GLT1D1: variants seen among roughly 807,000 people sequenced by gnomAD.
GLT1D1 encodes glycosyltransferase 1 domain containing 1.
GLT1D1 carries 21 observed loss-of-function variants against 28.7 expected under a neutral mutation model. That is an observed-to-expected ratio of 0.73 (90% CI 0.52 to 1.05). GLT1D1 has a LOEUF of 1.05. Ranked by LOEUF, GLT1D1 falls within the 50% of genes least tolerant of loss-of-function variation. GLT1D1 has a pLI of 0.00. For synonymous variants in GLT1D1, 147 were observed against 124.8 expected (o/e 1.18, Z -1.19); for missense variants, 343 against 330.6 (o/e 1.04, Z -0.29).
chr12:128,936,300 AC>A (rs1233429239), intron 4 of GLT1D1, among the ~76,000 whole-genome samples: 2 of 151,312 alleles, frequency 1.3e-5, no homozygotes, highest in African/African-American at 4.9e-5. Context: ...GACTACAGGC[AC>A]CCGCCACCAC....
intron 6 of GLT1D1, among the ~76,000 whole-genome samples, chr12:128,951,370 T>G (rs192748364): frequency 3.9e-5 from 6 of 152,234 alleles, no homozygotes; most frequent in African/African-American, 1.2e-4. Context: ...ACCACTGTAC[T>G]CCAGCCTGGG....
chr12:128,862,831 G>C (rs1956414280), intron 1 of GLT1D1, among the ~76,000 whole-genome samples: 1 of 152,198 alleles, frequency 6.6e-6, no homozygotes, highest in Admixed American at 6.5e-5. Flanking sequence ...TCACTTGGAA[G>C]ACAAGTCTAG....
rs551905541 is a variant in GLT1D1, at chr12:128,929,747, G to C, written c.376-15579G>C. Among the ~76,000 whole-genome samples the C allele has an allele frequency of 3.3e-5, 5 of 152,300 alleles. No homozygotes were observed. The South Asian group carries it at 1.0e-3, about 32-fold the overall frequency. ...AATGCCAAGAGGGGCGATCACCTGA[G>C]GTCAGGAGTTTGACACCAGCCTGGC... On this transcript the variant is annotated intron_variant, in intron 4 of 7. Transcript: ENST00000281703.
chr12:128,874,420 G>C (rs554246726), intron 1 of GLT1D1, among the ~76,000 whole-genome samples: 1 of 149,090 alleles, frequency 6.7e-6, no homozygotes, highest in African/African-American at 2.5e-5. Context: ...GACCTCAAGT[G>C]ATCTGCCTGC....
At chr12:128,969,394 G>T (rs73424642) in intron 7 of GLT1D1, among the ~76,000 whole-genome samples, 1 of 152,122 alleles carries the variant, frequency 6.6e-6, no homozygotes, top group Non-Finnish European at 1.5e-5. Context: ...GGGGAGAAGG[G>T]ACCATTTCTG....
At chr12:128,956,939 T>C (rs749709124) in intron 6 of GLT1D1, among the ~76,000 whole-genome samples, 1 of 152,232 alleles carries the variant, frequency 6.6e-6, no homozygotes, top group Non-Finnish European at 1.5e-5. Flanking sequence ...AATGCCTCCT[T>C]TCCGGGCAGG....
chr12:128,926,320 C>A, intron 4 of GLT1D1, 39 bp from the exon 7 acceptor site: 2 of 1,060,954 alleles, frequency 1.9e-6, no homozygotes, highest in Non-Finnish European at 1.4e-6. Context: ...GCATCCAGAG[C>A]CCTCCCCACT....
At chr12:128,919,372 A>G (rs1872421652) in intron 4 of GLT1D1, among the ~76,000 whole-genome samples, 1 of 152,190 alleles carries the variant, frequency 6.6e-6, no homozygotes. Context: ...TTCATTTAAC[A>G]CTGCATATAA....
At chr12:128,925,645 T>G (rs1282146495) in intron 4 of GLT1D1, among the ~76,000 whole-genome samples, 1 of 150,628 alleles carries the variant, frequency 6.6e-6, no homozygotes, top group Non-Finnish European at 1.5e-5. Context: ...GATCTCTCTA[T>G]GCATATATGA....
intron 1 of GLT1D1, among the ~76,000 whole-genome samples, chr12:128,867,652 T>C (rs553100219): frequency 6.6e-6 from 1 of 152,270 alleles, no homozygotes; most frequent in Non-Finnish European, 1.5e-5. Context: ...CAGGCGCCAG[T>C]GCCTGGGGCT....
At chr12:128,879,464 TTTG>T (rs1956983587) in intron 2 of GLT1D1, among the ~76,000 whole-genome samples, 1 of 137,974 alleles carries the variant, frequency 7.2e-6, no homozygotes, top group African/African-American at 2.8e-5. Context: ...CTTTCTTTTT[TTTG>T]GGGGGGTGGG....
intron 1 of GLT1D1, among the ~76,000 whole-genome samples, chr12:128,857,199 G>A (rs78482391): frequency 0.023 from 3,503 of 152,202 alleles, 130 homozygotes; most frequent in African/African-American, 0.079. Flanking sequence ...GTTAGCTGCC[G>A]TCCTGAGATT....
chr12:128,885,161 A>G (rs1957148224), intron 2 of GLT1D1, among the ~76,000 whole-genome samples: 1 of 152,172 alleles, frequency 6.6e-6, no homozygotes, highest in South Asian at 2.1e-4. Context: ...AAAATATTTT[A>G]TCTACATCAT....
At chr12:128,861,004 G>A (rs559125891) in intron 1 of GLT1D1, among the ~76,000 whole-genome samples, 2 of 152,328 alleles carry the variant, frequency 1.3e-5, no homozygotes, top group South Asian at 4.1e-4. Context: ...CACCTGTGGA[G>A]GGGGATAAAC....
rs35895301 is a variant in GLT1D1 at position 128,935,538 on chromosome 12, C to CAAAAA, written c.376-9775_376-9771dup. ...CCTGGGTGACAGAGTGACTCTGTCT[C>CAAAAA]AAAAAAAAAAAAAAAAAGAACAATA... On this transcript the variant is annotated intron_variant, in intron 4 of 7. Transcript: ENST00000281703. Among the ~76,000 whole-genome samples, 646 of 82,890 alleles carry CAAAAA rather than the reference C, an allele frequency of 7.8e-3. 7 individuals are homozygous for CAAAAA. Among genetic ancestry groups the CAAAAA allele is most frequent in the African/African-American group, 0.029 (622 of 21,814 alleles). The allele number at this position is 82,890 out of a possible 152,430, so 54.4% of individuals were successfully genotyped here. A position where few individuals can be genotyped will look rare whatever the true frequency, so the allele number is the denominator to read the frequency against.
In GLT1D1 at chr12:128,968,752, T is replaced by C. The variant is rs540695906; in HGVS notation, c.639+11109T>C. On this transcript the variant is annotated intron_variant, in intron 7 of 7. Coordinates refer to ENST00000281703, the MANE Select transcript of GLT1D1 (RefSeq NM_144669.3). ...GGGGGTTGTGATTGGGTGCCTGGGC[T>C]GGTGTATTGTTAGGGACACAGATTC... Among the ~76,000 whole-genome samples the C allele has an allele frequency of 1.1e-4, 16 of 152,214 alleles. No homozygotes were observed. In the East Asian group the frequency reaches 3.1e-3, roughly 30 times the overall value.
intron 4 of GLT1D1, chr12:128,944,852 G>T (rs934935930): frequency 3.4e-6 from 1 of 295,828 alleles, no homozygotes; most frequent in Non-Finnish European, 6.2e-6. Context: ...CAATGTGCAG[G>T]TTTGTTACAT....
intron 1 of GLT1D1, among the ~76,000 whole-genome samples, chr12:128,866,456 C>T (rs1956521648): frequency 6.6e-6 from 1 of 151,932 alleles, no homozygotes; most frequent in Non-Finnish European, 1.5e-5. Flanking sequence ...TGATGATGGT[C>T]ACCATGCTGT....
chr12:128,874,078 TTCTTTCTTTCTTTCTTTCTTTC>T (rs1566090904), intron 1 of GLT1D1, among the ~76,000 whole-genome samples: 6 of 11,340 alleles, frequency 5.3e-4, no homozygotes, highest in African/African-American at 1.7e-3. Flanking sequence ...CTTTCTTTCT[TTCTTTCTTTCTTTCTTTCTTTC>T]TCTCTCTCTC....
Sources: allele counts gnomAD v4.1 joint callset (sites outside exome capture counted in the v4.1 genomes callset), GRCh38; gene constraint gnomAD v4.1.1; transcripts MANE v1.5; gene names NCBI Gene and HGNC (gene_info 2026-07-23, HGNC 2026-07-21).